The following IL7 variants were observed in gnomAD, a reference collection of about 807,000 sequenced individuals.
IL7 encodes the protein interleukin 7.
A neutral mutation model predicts 21.6 loss-of-function variants in IL7; 3 were observed. The observed-to-expected ratio is 0.14, with a 90% CI of 0.06 to 0.36. The LOEUF (loss-of-function observed/expected upper bound fraction) is 0.36, where lower values mean the gene tolerates loss of function less well. IL7 is among the 10% of genes least tolerant of loss of function. The pLI is 1.00. For synonymous variants in IL7, 62 were observed against 68.1 expected (o/e 0.91, Z 0.44); for missense variants, 175 against 200.2 (o/e 0.87, Z 0.76).
chr8:78,701,731 C>T (rs148350421), intron 3 of IL7, among the ~76,000 whole-genome samples: 41 of 152,284 alleles, frequency 2.7e-4, no homozygotes, highest in African/African-American at 7.2e-4. Flanking sequence ...AAAACCTTTT[C>T]GTCATCTATT....
At chr8:78,774,124 C>T (rs1357632142) in intron 2 of IL7, among the ~76,000 whole-genome samples, 1 of 152,038 alleles carries the variant, frequency 6.6e-6, no homozygotes, top group South Asian at 2.1e-4. Flanking sequence ...TGTGTTTACC[C>T]TATCTAACAT....
intron 1 of IL7, among the ~76,000 whole-genome samples, chr8:78,800,386 T>G (rs1463408023): frequency 6.6e-6 from 1 of 152,068 alleles, no homozygotes; most frequent in Non-Finnish European, 1.5e-5. Flanking sequence ...AAGCCTCAAA[T>G]TCCTAGGTTC....
intron 3 of IL7, chr8:78,698,293 A>G: frequency 2.6e-6 from 2 of 768,220 alleles, no homozygotes; most frequent in Non-Finnish European, 4.0e-6. Context: ...AAATGTCTTC[A>G]ATGAAAACTT....
At chr8:78,788,043 C>T (rs758036859) in intron 2 of IL7, among the ~76,000 whole-genome samples, 2 of 152,094 alleles carry the variant, frequency 1.3e-5, no homozygotes, top group African/African-American at 2.4e-5. Flanking sequence ...ATAAAATTAA[C>T]CATCAAAATA....
chr8:78,763,696 A>G (rs1313580860), intron 2 of IL7, among the ~76,000 whole-genome samples: 1 of 152,212 alleles, frequency 6.6e-6, no homozygotes, highest in Non-Finnish European at 1.5e-5. Flanking sequence ...TTACAAAACA[A>G]AAAATACTAA....
At chr8:78,744,420 G>T (rs1184726132) in intron 2 of IL7, among the ~76,000 whole-genome samples, 2 of 152,132 alleles carry the variant, frequency 1.3e-5, no homozygotes, top group Non-Finnish European at 2.9e-5. Context: ...CGATCGGTTT[G>T]GACTCTTCAA....
intron 3 of IL7, among the ~76,000 whole-genome samples, chr8:78,699,521 A>C (rs1810534172): frequency 6.6e-6 from 1 of 152,020 alleles, no homozygotes; most frequent in African/African-American, 2.4e-5. Flanking sequence ...TACATAGGTA[A>C]ACTTGTGTCA....
intron 3 of IL7, among the ~76,000 whole-genome samples, chr8:78,696,053 T>C (rs1284359306): frequency 6.6e-6 from 1 of 152,142 alleles, no homozygotes; most frequent in Non-Finnish European, 1.5e-5. Flanking sequence ...CTTTTTTTTT[T>C]GAGACGGAGT....
rs75921497 is a variant in IL7 at position 78,706,179 on chromosome 8, C to G, written n.214+15169G>C. On this transcript the variant is annotated intron_variant and non_coding_transcript_variant, in intron 3 of 4. Coordinates refer to the IL7 transcript ENST00000523959. The stretch of plus-strand genomic sequence containing the variant: ...CTGGGAGTTCCATCCCAGGTAGGCT[C>G]AAAACTGCTACTGGTGGCTGGCTGG... Among the ~76,000 whole-genome samples the G allele has an allele frequency of 9.3e-4, 142 of 152,236 alleles. 1 individual carries two copies. The East Asian group carries it at 0.012, about 13-fold the overall frequency.
At chr8:78,693,663 T>G (rs543916290) in intron 3 of IL7, among the ~76,000 whole-genome samples, 402 of 152,300 alleles carry the variant, frequency 2.6e-3, no homozygotes, top group African/African-American at 7.9e-3. Context: ...TTGCAAAAAT[T>G]TTCTCCCATT....
At chr8:78,680,052 C>T (rs151283921) in intron 4 of IL7, among the ~76,000 whole-genome samples, 2 of 151,942 alleles carry the variant, frequency 1.3e-5, no homozygotes, top group African/African-American at 4.8e-5. Context: ...TTATTCTGGG[C>T]AAGTTATTTA....
At chr8:78,746,699 A>G (rs1013285534) in intron 2 of IL7, among the ~76,000 whole-genome samples, 6 of 152,158 alleles carry the variant, frequency 3.9e-5, no homozygotes, top group African/African-American at 1.4e-4. Context: ...AGGTAATCGA[A>G]CTCAGCCAAA....
chr8:78,681,765 A>G (rs1809790436), intron 4 of IL7, among the ~76,000 whole-genome samples: 1 of 152,108 alleles, frequency 6.6e-6, no homozygotes, highest in Admixed American at 6.5e-5. Context: ...GTGTTTTCCA[A>G]GGACATTGCC....
At chr8:78,773,279 G>A (rs1398489413) in intron 2 of IL7, among the ~76,000 whole-genome samples, 1 of 152,060 alleles carries the variant, frequency 6.6e-6, no homozygotes, top group Non-Finnish European at 1.5e-5. Context: ...GGAAACCAAA[G>A]TACCCAGAGA....
At chr8:78,697,569 A>G in intron 3 of IL7, 1 of 1,210,788 alleles carries the variant, frequency 8.3e-7, no homozygotes, top group South Asian at 1.3e-5. Context: ...GCAGGAAATA[A>G]AGATAGTGGT....
At chr8:78,716,162 G>A (rs910582708), downstream of IL7, among the ~76,000 whole-genome samples, 12 of 149,538 alleles carry the variant, frequency 8.0e-5, no homozygotes, top group South Asian at 2.1e-4. Flanking sequence ...TCGCTCTGTC[G>A]CTCAGGCTGG....
intron 3 of IL7, among the ~76,000 whole-genome samples, chr8:78,703,833 G>A (rs930420091): frequency 1.3e-5 from 2 of 152,084 alleles, no homozygotes; most frequent in Non-Finnish European, 2.9e-5. Context: ...GATGCTAGCT[G>A]GTTATTTGGC....
intron 3 of IL7, among the ~76,000 whole-genome samples, chr8:78,708,906 T>G (rs925919485): frequency 1.9e-4 from 29 of 152,236 alleles, no homozygotes; most frequent in African/African-American, 7.0e-4. Context: ...CCTCAAGTGA[T>G]CCATCCACCT....
chr8:78,689,404 G>C, intron 3 of IL7: 1 of 1,526,250 alleles, frequency 6.6e-7, no homozygotes, highest in Non-Finnish European at 8.8e-7. Context: ...TGCTATAAAC[G>C]AGAAAATGGC....
Sources: allele counts gnomAD v4.1 joint callset (sites outside exome capture counted in the v4.1 genomes callset), GRCh38; gene constraint gnomAD v4.1.1; transcripts MANE v1.5; gene names NCBI Gene and HGNC (gene_info 2026-07-23, HGNC 2026-07-21).